Variants in NKD1 observed in about 807,000 individuals in gnomAD.
NKD1 encodes protein naked cuticle homolog 1.
Under a neutral mutation model 56.0 loss-of-function variants are expected in NKD1, and 21 were observed. The ratio of observed to expected loss-of-function variants is 0.38; its 90% CI spans 0.27 to 0.54. NKD1 has a LOEUF of 0.54. Among genes scored for constraint, NKD1 ranks in the 20% least tolerant of loss-of-function variants. The probability of loss-of-function intolerance (pLI) is 0.82; values close to 1 mark genes in which losing one functional copy is unlikely to be tolerated. For missense variants in NKD1, 578 were observed against 642.7 expected, an observed-to-expected ratio of 0.90 and a Z score of 1.09; for synonymous variants, 263 against 265.7, an observed-to-expected ratio of 0.99 and a Z score of 0.10.
intron 3 of NKD1, among the ~76,000 whole-genome samples, chr16:50,579,582 G>A (rs112551606): frequency 1.8e-5 from 2 of 108,534 alleles, no homozygotes; most frequent in African/African-American, 4.2e-5. Context: ...CACTGTCTTA[G>A]TCCTGCGGGC....
intron 3 of NKD1, among the ~76,000 whole-genome samples, chr16:50,594,234 G>T (rs1191429841): frequency 6.6e-6 from 1 of 152,232 alleles, no homozygotes; most frequent in Non-Finnish European, 1.5e-5. Flanking sequence ...CCTGGCATCA[G>T]GGTCCCTGGC....
chr16:50,597,627 G>A (rs1961501894), intron 3 of NKD1, among the ~76,000 whole-genome samples: 1 of 152,174 alleles, frequency 6.6e-6, no homozygotes, highest in South Asian at 2.1e-4. Flanking sequence ...CAACAGCACA[G>A]GAGCGGACTA....
At chr16:50,567,809 G>A (rs1960794709) in intron 3 of NKD1, among the ~76,000 whole-genome samples, 1 of 152,206 alleles carries the variant, frequency 6.6e-6, no homozygotes, top group African/African-American at 2.4e-5. Flanking sequence ...AAGACACAAA[G>A]TCCCTGTGGT....
At chr16:50,603,090 C>A (rs1254796987) in intron 3 of NKD1, among the ~76,000 whole-genome samples, 1 of 152,242 alleles carries the variant, frequency 6.6e-6, no homozygotes, top group Non-Finnish European at 1.5e-5. Flanking sequence ...AGCTTCGCAT[C>A]AGACACCATC....
At chr16:50,611,444 C>T (rs1449322060) in intron 4 of NKD1, among the ~76,000 whole-genome samples, 1 of 152,246 alleles carries the variant, frequency 6.6e-6, no homozygotes, top group East Asian at 1.9e-4. Flanking sequence ...CCAGGCCTCC[C>T]AGCTTCCAGG....
intron 3 of NKD1, among the ~76,000 whole-genome samples, chr16:50,585,394 T>A (rs1567341224): frequency 6.6e-6 from 1 of 152,176 alleles, no homozygotes; most frequent in Non-Finnish European, 1.5e-5. Flanking sequence ...GTCAGCCGCA[T>A]GGAGACGTGA....
At chr16:50,616,395 C>G (rs565138591) in intron 4 of NKD1, among the ~76,000 whole-genome samples, 5 of 152,334 alleles carry the variant, frequency 3.3e-5, no homozygotes, top group African/African-American at 9.6e-5. Flanking sequence ...TTAAGATAAG[C>G]TGGCATTTAC....
intron 3 of NKD1, among the ~76,000 whole-genome samples, chr16:50,553,328 G>A (rs1185280776): frequency 2.6e-5 from 4 of 152,236 alleles, no homozygotes; most frequent in African/African-American, 7.2e-5. Context: ...CCATGGCCCC[G>A]GTTGGCCCTT....
chr16:50,625,528 A>G lies in NKD1; in HGVS notation c.410A>G (p.Glu137Gly). ...TCCATGGAGGAGGACAGCCGGCAGGAGTGGACCTTCACCCTGTATGACTTT... is the reference window on the plus strand; with the variant it reads ...TCCATGGAGGAGGACAGCCGGCAGGGGTGGACCTTCACCCTGTATGACTTT... ...DVSMEEDSRQEWTFTLYDFDN... is the reference protein window; with the variant it reads ...DVSMEEDSRQGWTFTLYDFDN... The change falls in exon 6 of 10, where the codon GAG becomes GGG. Residue 137 changes from glutamate (E) to glycine (G), a missense_variant. Physicochemically the swap from Glu to Gly is moderately conservative, Grantham distance 98. Transcript: ENST00000268459. 3 of 1,613,966 alleles carry G rather than the reference A, an allele frequency of 1.9e-6. No individual in the cohort carries two copies. Among genetic ancestry groups the G allele is most frequent in the Non-Finnish European group, 2.5e-6 (3 of 1,179,892 alleles).
At chr16:50,579,242 C>T (rs1961057829) in intron 3 of NKD1, among the ~76,000 whole-genome samples, 1 of 150,136 alleles carries the variant, frequency 6.7e-6, no homozygotes, top group Admixed American at 6.6e-5. Context: ...CTGTCTTACT[C>T]CTGCGGGCTA....
At chr16:50,606,802 C>T (rs1429876916) in intron 3 of NKD1, 3 of 456,574 alleles carry the variant, frequency 6.6e-6, no homozygotes, top group African/African-American at 6.0e-5. Flanking sequence ...TGCCTGTTCC[C>T]TCGGGGAAGC....
intron 3 of NKD1, chr16:50,570,831 A>G (rs1190065074): frequency 8.1e-6 from 8 of 985,320 alleles, no homozygotes; most frequent in Non-Finnish European, 9.6e-6. Context: ...ATGTGTTGCC[A>G]GGAGTGCGGT....
rs1961519740 is a variant in NKD1 at position 50,598,262 on chromosome 16, T to TGCGTGTGTGC, written c.193-10029_193-10028insTGTGTGCGCG. 6.7e-6 allele frequency among the ~76,000 whole-genome samples: 1 copy of TGCGTGTGTGC among 148,572 alleles called. No individual in the cohort carries two copies. The highest frequency in any genetic ancestry group is 2.1e-4 in the South Asian group (1 of 4,746). On this transcript the variant is annotated intron_variant, in intron 3 of 9. Transcript: ENST00000268459. This position sits in a 1 kb window ranked among gnomAD's most constrained non-coding sequence, Gnocchi z 4.2. ...GTGTGTGTGTGTGTGTGTGTGTGTG[T>TGCGTGTGTGC]GCGCGCACACCTGTGCTCATGGACA...
rs1413353101 is a variant in NKD1 at position 50,644,504 on chromosome 16, TG to T, written c.*10725del. On this transcript the variant is annotated 3_prime_UTR_variant, in exon 10 of 10. Transcript: ENST00000268459. ...GCGGGTTCCTGATGCTGAGAGTTGT[TG>T]GAATGTTGATGCTGCCCCCAGAGAA... The T allele has an allele frequency of 6.6e-6, 1 of 152,192 alleles. No homozygotes were observed. The highest frequency in any genetic ancestry group is 1.9e-4 in the East Asian group (1 of 5,194). The allele number at this position is 152,192 out of a possible 1,614,324, so 9.4% of individuals were successfully genotyped here. A position where few individuals can be genotyped will look rare whatever the true frequency, so the allele number is the denominator to read the frequency against.
At chr16:50,608,256 C>T in intron 3 of NKD1, 38 bp from the exon 4 acceptor site, 1 of 1,482,568 alleles carries the variant, frequency 6.7e-7, no homozygotes, top group Non-Finnish European at 9.4e-7. Flanking sequence ...TGGGCTCCCC[C>T]AACCCCTGCT....
At chr16:50,559,213 G>A (rs1360464645) in intron 3 of NKD1, among the ~76,000 whole-genome samples, 2 of 152,210 alleles carry the variant, frequency 1.3e-5, no homozygotes, top group Non-Finnish European at 2.9e-5. Flanking sequence ...TAAAGGAGAT[G>A]TCACCCCTTC....
intron 3 of NKD1, among the ~76,000 whole-genome samples, chr16:50,560,434 G>A (rs1304144486): frequency 1.3e-5 from 2 of 152,220 alleles, no homozygotes; most frequent in East Asian, 3.8e-4. Context: ...TGTTCATAGT[G>A]CTGGATTCTC....
At chr16:50,608,792 C>CA (rs1199788934) in intron 4 of NKD1, among the ~76,000 whole-genome samples, 1 of 152,182 alleles carries the variant, frequency 6.6e-6, no homozygotes, top group Non-Finnish European at 1.5e-5. Context: ...AGTGTGCACA[C>CA]ACACACACAG....
Position 50,640,077 on chromosome 16 carries a change from G to C in NKD1, c.*6296G>C, listed in dbSNP as rs1190755946. The C allele has an allele frequency of 1.3e-5, 2 of 152,218 alleles. No individual in the cohort carries two copies. Among genetic ancestry groups the C allele is most frequent in the Non-Finnish European group, 2.9e-5 (2 of 68,076 alleles). The allele number at this position is 152,218 out of a possible 1,614,324, so 9.4% of individuals were successfully genotyped here. ...GGGTCACATCTGGTCATACCCTTCAGAGAGCTCTTCCCCAGCCTCTACATC... is the reference window on the plus strand; with the variant it reads ...GGGTCACATCTGGTCATACCCTTCACAGAGCTCTTCCCCAGCCTCTACATC... On this transcript the variant is annotated 3_prime_UTR_variant, in exon 10 of 10. Coordinates refer to ENST00000268459, the MANE Select transcript of NKD1 (RefSeq NM_033119.5).
Sources: allele counts gnomAD v4.1 joint callset (sites outside exome capture counted in the v4.1 genomes callset), GRCh38; gene constraint gnomAD v4.1.1; non-coding constraint Gnocchi (gnomAD v3.1); transcripts MANE v1.5; gene names NCBI Gene and HGNC (gene_info 2026-07-23, HGNC 2026-07-21).